UBTD1: variants seen among roughly 807,000 people sequenced by gnomAD.
UBTD1 encodes ubiquitin domain-containing protein 1.
UBTD1 carries 19 observed loss-of-function variants against 21.7 expected under a neutral mutation model. The ratio of observed to expected loss-of-function variants is 0.87; its 90% confidence interval spans 0.61 to 1.28. The LOEUF (loss-of-function observed/expected upper bound fraction) is 1.28. UBTD1 is among the 50% of genes most tolerant of loss of function. The pLI is 0.00. For missense variants in UBTD1, 282 were observed against 315.1 expected, an observed-to-expected ratio of 0.89 and a Z score of 0.80; for synonymous variants, 116 against 135.1, an observed-to-expected ratio of 0.86 and a Z score of 0.98.
intron 1 of UBTD1, among the ~76,000 whole-genome samples, chr10:97,545,407 T>TGTGTGG (rs1290736845): frequency 2.8e-5 from 2 of 72,396 alleles, no homozygotes; most frequent in East Asian, 4.2e-4. Context: ...TGTGTGTGTG[T>TGTGTGG]GTGGGTGTGG....
chr10:97,517,496 C>T (rs2040449576), intron 1 of UBTD1, among the ~76,000 whole-genome samples: 1 of 152,166 alleles, frequency 6.6e-6, no homozygotes. Flanking sequence ...AGTCTCTGCC[C>T]AGTCCCCTTG....
chr10:97,536,006 T>TTATTATTATTA, intron 1 of UBTD1, among the ~76,000 whole-genome samples: 1 of 149,334 alleles, frequency 6.7e-6, no homozygotes, highest in South Asian at 2.1e-4. Flanking sequence ...ATTATTATTA[T>TTATTATTATTA]TTCGAGACAG....
intron 1 of UBTD1, among the ~76,000 whole-genome samples, chr10:97,528,510 C>A: frequency 3.4e-5 from 3 of 87,906 alleles, no homozygotes; most frequent in Non-Finnish European, 4.8e-5. Flanking sequence ...GACGGGGCGG[C>A]TGGCCGGGCA....
At chr10:97,506,380 G>A (rs1044408504) in intron 1 of UBTD1, among the ~76,000 whole-genome samples, 8 of 152,338 alleles carry the variant, frequency 5.3e-5, no homozygotes, top group African/African-American at 1.7e-4. Context: ...GTTCCCAGCT[G>A]TTGGGCTTTG....
At chr10:97,532,780 A>G (rs1030366767) in intron 1 of UBTD1, among the ~76,000 whole-genome samples, 7 of 146,788 alleles carry the variant, frequency 4.8e-5, no homozygotes, top group African/African-American at 1.7e-4. Context: ...ACAAGAGCGC[A>G]ACTGCATCTC....
In UBTD1 at chr10:97,514,019, T is replaced by C. The variant is rs570650491; in HGVS notation, c.70+14746T>C. 4.6e-5 allele frequency among the ~76,000 whole-genome samples: 7 copies of C among 151,896 alleles called. No individual in the cohort carries two copies. In the South Asian group the frequency reaches 6.2e-4, roughly 14 times the overall value. ...CTCTTTTTCTTTTCTTTCTTTCTTTTTTTTTTTTTAAAGGCATTGAGATCA... is the reference window on the plus strand; with the variant it reads ...CTCTTTTTCTTTTCTTTCTTTCTTTCTTTTTTTTTAAAGGCATTGAGATCA... On this transcript the variant is annotated intron_variant, in intron 1 of 2. Coordinates refer to ENST00000370664, the MANE Select transcript of UBTD1 (RefSeq NM_024954.5).
intron 1 of UBTD1, among the ~76,000 whole-genome samples, chr10:97,516,145 C>G (rs951198486): frequency 6.6e-6 from 1 of 152,206 alleles, no homozygotes; most frequent in African/African-American, 2.4e-5. Context: ...AGCAGGAGCC[C>G]CTCCAGGTTC....
chr10:97,525,641 A>G (rs1005926642), intron 1 of UBTD1, among the ~76,000 whole-genome samples: 3 of 152,090 alleles, frequency 2.0e-5, no homozygotes, highest in East Asian at 1.9e-4. Flanking sequence ...CCATCTCCAT[A>G]TTAGAGGCCT....
intron 1 of UBTD1, among the ~76,000 whole-genome samples, chr10:97,545,411 G>GTGT (rs1564741809): frequency 2.6e-5 from 1 of 38,084 alleles, no homozygotes; most frequent in African/African-American, 7.7e-5. Context: ...TGTGTGTGTG[G>GTGT]GTGTGGGTGT....
At chr10:97,503,291 G>A (rs1179068852) in intron 1 of UBTD1, among the ~76,000 whole-genome samples, 1 of 152,200 alleles carries the variant, frequency 6.6e-6, no homozygotes, top group Admixed American at 6.5e-5. Flanking sequence ...GATGCTGGGT[G>A]GTTCTTGTAT....
chr10:97,558,547 T>C (rs1287719422), intron 1 of UBTD1, among the ~76,000 whole-genome samples: 2 of 152,190 alleles, frequency 1.3e-5, no homozygotes, highest in Admixed American at 1.3e-4. Flanking sequence ...ACAGTCTGGG[T>C]TAAAACTCCA....
chr10:97,568,504 C>G (rs993358687), intron 2 of UBTD1, among the ~76,000 whole-genome samples: 2 of 151,804 alleles, frequency 1.3e-5, no homozygotes, highest in African/African-American at 4.8e-5. Context: ...TCACTGCATC[C>G]TTCACCTCCT....
intron 1 of UBTD1, among the ~76,000 whole-genome samples, chr10:97,520,080 A>G (rs867423294): frequency 6.6e-6 from 1 of 152,228 alleles, no homozygotes; most frequent in East Asian, 1.9e-4. Flanking sequence ...GCTTTGTGGT[A>G]GTATTCCTTA....
intron 1 of UBTD1, among the ~76,000 whole-genome samples, chr10:97,566,082 C>A (rs2040715680): frequency 6.6e-6 from 1 of 151,918 alleles, no homozygotes; most frequent in Non-Finnish European, 1.5e-5. Flanking sequence ...TACTATGTAC[C>A]CACAAAAATT....
chr10:97,535,751 A>T (rs1019684996), intron 1 of UBTD1, among the ~76,000 whole-genome samples: 1 of 151,728 alleles, frequency 6.6e-6, no homozygotes, highest in African/African-American at 2.4e-5. Context: ...CCCCATCTCT[A>T]CAAATTTTTT....
chr10:97,531,595 G>T (rs1653323814), intron 1 of UBTD1, among the ~76,000 whole-genome samples: 1 of 152,114 alleles, frequency 6.6e-6, no homozygotes, highest in African/African-American at 2.4e-5. Flanking sequence ...AAAGTGGTTG[G>T]ACCAGAGACT....
At chr10:97,519,195 C>T (rs2040456929) in intron 1 of UBTD1, among the ~76,000 whole-genome samples, 1 of 152,204 alleles carries the variant, frequency 6.6e-6, no homozygotes, top group Admixed American at 6.5e-5. Flanking sequence ...ATTCTCAGAG[C>T]CATCCTTTGT....
chr10:97,520,403 G>A (rs1475230055), intron 1 of UBTD1, among the ~76,000 whole-genome samples: 1 of 152,192 alleles, frequency 6.6e-6, no homozygotes, highest in Non-Finnish European at 1.5e-5. Flanking sequence ...CATGCCCAGT[G>A]CCGTGCTTGA....
chr10:97,541,728 ATTTT>A (rs975827062), intron 1 of UBTD1, among the ~76,000 whole-genome samples: 1 of 98,888 alleles, frequency 1.0e-5, no homozygotes, highest in Non-Finnish European at 2.0e-5. Context: ...GTCCTCTCTG[ATTTT>A]TTTTTTTTTT....
Sources: gnomAD v4.1 joint callset for allele counts (sites outside exome capture counted in the v4.1 genomes callset) on GRCh38, gnomAD v4.1.1 for gene constraint, MANE v1.5 for transcripts, NCBI Gene and HGNC (gene_info 2026-07-23, HGNC 2026-07-21) for gene names.